The following BAIAP2 variants were observed in gnomAD, a reference collection of about 807,000 sequenced individuals.
The protein encoded by BAIAP2 is BAR/IMD domain-containing adapter protein 2.
BAIAP2 carries 18 observed loss-of-function variants against 63.0 expected under a neutral mutation model. The observed-to-expected ratio is 0.29, with a 90% CI of 0.20 to 0.42. The LOEUF is 0.42. Ranked by LOEUF, BAIAP2 falls within the 10% of genes least tolerant of loss-of-function variation. The pLI is 1.00. For synonymous variants in BAIAP2, 386 were observed against 307.6 expected (o/e 1.25, Z -2.67); for missense variants, 610 against 734.3 (o/e 0.83, Z 1.96).
chr17:81,044,546 C>T (rs1241660915), intron 1 of BAIAP2, among the ~76,000 whole-genome samples: 2 of 152,228 alleles, frequency 1.3e-5, no homozygotes, highest in Non-Finnish European at 2.9e-5. Context: ...AACACAGTTG[C>T]ACTGCGCGAT....
intron 6 of BAIAP2, among the ~76,000 whole-genome samples, chr17:81,089,011 C>A (rs2056235343): frequency 6.6e-6 from 1 of 152,274 alleles, no homozygotes; most frequent in Admixed American, 6.5e-5. Context: ...ACTGCCAGGC[C>A]TCTTCAGGAG....
At chr17:81,068,162 A>G (rs2051857355) in intron 3 of BAIAP2, among the ~76,000 whole-genome samples, 1 of 152,236 alleles carries the variant, frequency 6.6e-6, no homozygotes, top group Admixed American at 6.5e-5. Context: ...GCAGCCACGC[A>G]GGGAGATGAC....
Position 81,053,603 on chromosome 17 carries a change from G to A in BAIAP2, c.55-65G>A, listed in dbSNP as rs544614898. 2.0e-4 allele frequency: 321 copies of A among 1,578,014 alleles called. 1 individual carries two copies. The highest frequency in any genetic ancestry group is 8.3e-4 in the Middle Eastern group (5 of 6,004). On this transcript the variant is annotated intron_variant, in intron 1 of 13. Transcript: ENST00000428708. ...GCTCTGGGTTTTCTCCTCTGTGTTC[G>A]GACCCTTCGGAGTCACCAGGGTGAC...
chr17:81,069,070 T>A (rs577926417), intron 3 of BAIAP2, among the ~76,000 whole-genome samples: 1 of 152,282 alleles, frequency 6.6e-6, no homozygotes, highest in Admixed American at 6.5e-5. Context: ...AAGGATGCGC[T>A]GGGTCCTCCG....
intron 1 of BAIAP2, among the ~76,000 whole-genome samples, chr17:81,039,478 G>A (rs983502619): frequency 4.6e-5 from 7 of 152,330 alleles, no homozygotes; most frequent in Middle Eastern, 3.4e-3. Context: ...GGGATGTGGC[G>A]CTTGTGGAGT....
intron 6 of BAIAP2, among the ~76,000 whole-genome samples, chr17:81,091,780 G>T (rs2056816888): frequency 6.6e-6 from 1 of 152,258 alleles, no homozygotes; most frequent in African/African-American, 2.4e-5. Context: ...CAGAGAAGCA[G>T]ATGCCTCCCT....
intron 6 of BAIAP2, among the ~76,000 whole-genome samples, chr17:81,089,141 A>C (rs745679758): frequency 5.6e-4 from 85 of 152,372 alleles, no homozygotes; most frequent in Admixed American, 1.0e-3. Context: ...CCCATCCCAC[A>C]CAGGGGTTTT....
intron 13 of BAIAP2, among the ~76,000 whole-genome samples, chr17:81,114,795 G>A (rs2060329431): frequency 6.6e-6 from 1 of 152,124 alleles, no homozygotes; most frequent in Non-Finnish European, 1.5e-5. Flanking sequence ...GCCTCTTCCC[G>A]GGTAGCTGGA....
In BAIAP2 at chr17:81,044,231, C is replaced by T. The variant is rs949229449; in HGVS notation, c.54+8923C>T. Among the ~76,000 whole-genome samples, 4 of 152,376 alleles carry T rather than the reference C, an allele frequency of 2.6e-5. No homozygotes were observed. The East Asian group carries it at 5.8e-4, about 22-fold the overall frequency. On this transcript the variant is annotated intron_variant, in intron 1 of 13. Coordinates refer to ENST00000428708, the MANE Select transcript of BAIAP2 (RefSeq NM_001144888.2). ...CAGCCGTGAGCCCAGCCCGAAAGAC[C>T]GGCCAGTGCCTTCACAGGGAGGGGA... is the stretch of plus-strand genomic sequence containing the variant.
At chr17:81,106,604 G>C in intron 11 of BAIAP2, 141 bp from the exon 12 acceptor site, 1 of 968,140 alleles carries the variant, frequency 1.0e-6, no homozygotes. Flanking sequence ...ATGGTCCCCA[G>C]GGCTGCCGCC....
chr17:81,073,920 CTTAT>C (rs1330755749), intron 3 of BAIAP2, among the ~76,000 whole-genome samples: 1 of 152,180 alleles, frequency 6.6e-6, no homozygotes, highest in Non-Finnish European at 1.5e-5. Flanking sequence ...CCGTGTATCA[CTTAT>C]TTGTCTCAAG....
chr17:81,086,630 C>A (rs780197095), intron 6 of BAIAP2, 50 bp downstream of exon 6: 9 of 1,605,118 alleles, frequency 5.6e-6, no homozygotes, highest in Non-Finnish European at 7.7e-6. Context: ...CTTGGGACTG[C>A]TCACCCCTCG....
intron 3 of BAIAP2, among the ~76,000 whole-genome samples, chr17:81,080,626 C>T (rs1055882256): frequency 6.6e-6 from 1 of 152,226 alleles, no homozygotes; most frequent in African/African-American, 2.4e-5. Flanking sequence ...TGGCTGTTGT[C>T]TTCCAGATGT....
chr17:81,111,417 C>T (rs1435833622), intron 13 of BAIAP2, among the ~76,000 whole-genome samples: 3 of 152,202 alleles, frequency 2.0e-5, no homozygotes, highest in Admixed American at 2.0e-4. Context: ...CTGGGGAGAA[C>T]CCTGGGGAGC....
chr17:81,036,246 C>T (rs966127217), intron 1 of BAIAP2, among the ~76,000 whole-genome samples: 3 of 152,220 alleles, frequency 2.0e-5, no homozygotes, highest in African/African-American at 7.2e-5. Flanking sequence ...GGAGAAACCC[C>T]TGCTCTGGGT....
chr17:81,099,367 G>C (rs942629697), intron 6 of BAIAP2, among the ~76,000 whole-genome samples: 2 of 152,194 alleles, frequency 1.3e-5, no homozygotes, highest in Non-Finnish European at 2.9e-5. Flanking sequence ...CTCTGCAGCA[G>C]AGGGCTTCCC....
At chr17:81,076,188 C>T (rs2053634790) in intron 3 of BAIAP2, 1 of 152,210 alleles carries the variant, frequency 6.6e-6, no homozygotes, top group Admixed American at 6.5e-5. Context: ...TCCCTGTTAC[C>T]ATCTGCAGCT....
intron 2 of BAIAP2, among the ~76,000 whole-genome samples, chr17:81,055,569 G>GGTTTTTTTTTTTTTTTTTTTTTT (rs138656369): frequency 0.017 from 1,610 of 92,966 alleles, 150 homozygotes; most frequent in East Asian, 0.061. Context: ...TCTGCAGGGT[G>GGTTTTTTTTTTTTTTTTTTTTTT]TTTTGTTTTT....
In BAIAP2 at chr17:81,085,661, C is replaced by G. The variant is rs755745937; in HGVS notation, c.287C>G (p.Ser96Cys). 2.5e-6 allele frequency: 4 copies of G among 1,613,682 alleles called. No homozygotes were observed. The highest frequency in any genetic ancestry group is 1.3e-5 in the African/African-American group (1 of 74,946). Residue 96 changes from serine to cysteine, a missense_variant, in exon 5 of 14, where the codon TCT (serine) becomes TGT (cysteine). Ser to Cys is a moderately radical substitution (Grantham distance 112). Around this residue, in one of 5 missense-constraint regions of BAIAP2, gnomAD observed 389 missense variants for 455.6 expected, o/e 0.85. Coordinates refer to ENST00000428708, the MANE Select transcript of BAIAP2 (RefSeq NM_001144888.2). ...IQNQLEEMLK[S>C]FHNELLTQLE... is the part of the protein sequence containing the mutation. ...TTTTCTCTCCATGTCCAGCTGAAGT[C>G]TTTTCACAACGAGCTGCTTACGCAG...
Sources: allele counts gnomAD v4.1 joint callset (sites outside exome capture counted in the v4.1 genomes callset), GRCh38; gene constraint gnomAD v4.1.1; regional missense constraint gnomAD v4.1.1; transcripts MANE v1.5; gene names NCBI Gene and HGNC (gene_info 2026-07-23, HGNC 2026-07-21).